POU3F3: variants seen among roughly 807,000 people sequenced by gnomAD.
POU3F3 encodes POU class 3 homeobox 3, also known as POU domain, class 3, transcription factor 3.
In POU3F3, 1 loss-of-function variant was observed where a neutral mutation model predicts 8.6. That is an observed-to-expected ratio of 0.12 (90% CI 0.04 to 0.55). POU3F3 has a LOEUF of 0.55. POU3F3 is among the 20% of genes least tolerant of loss of function. The pLI, the probability that POU3F3 is intolerant of heterozygous loss-of-function variation, is 0.91. For synonymous variants in POU3F3, 418 were observed against 327.4 expected, an observed-to-expected ratio of 1.28 and a Z score of -2.99; for missense variants, 577 against 690.7, an observed-to-expected ratio of 0.84 and a Z score of 1.84.
the POU3F3 span, among the ~76,000 whole-genome samples, chr2:104,881,554 T>C: frequency 6.6e-6 from 1 of 152,152 alleles, no homozygotes; most frequent in South Asian, 2.1e-4. Context: ...TCTCTCTGTC[T>C]CCGTCTCTCT....
the POU3F3 span, among the ~76,000 whole-genome samples, chr2:104,899,021 T>A: frequency 6.6e-6 from 1 of 152,220 alleles, no homozygotes; most frequent in Non-Finnish European, 1.5e-5. Flanking sequence ...CAGTGACTCC[T>A]GAAAATTCTC....
the POU3F3 span, among the ~76,000 whole-genome samples, chr2:104,885,113 A>G: frequency 5.3e-5 from 8 of 152,340 alleles, 1 homozygote; most frequent in South Asian, 1.7e-3. Flanking sequence ...AACATTAAGC[A>G]TAAGGATTTT....
At position 104,856,016 on chromosome 2, in the gene POU3F3, C is replaced by A. The variant is rs941922653; in HGVS notation, c.506C>A (p.Pro169Gln). The A allele has an allele frequency of 1.7e-5, 17 of 985,618 alleles. No individual in the cohort carries two copies. Among genetic ancestry groups the A allele is most frequent in the Non-Finnish European group, 2.0e-5 (17 of 833,634 alleles). The allele number at this position is 985,618 out of a possible 1,614,324, so 61.1% of individuals were successfully genotyped here. The change falls in exon 1 of 1, where the codon CCG becomes CAG. Residue 169 changes from proline (P) to glutamine (Q), a missense_variant. Coordinates refer to ENST00000361360, the MANE Select transcript of POU3F3 (RefSeq NM_006236.3). Reference protein sequence around the residue: ...HAGTALHHRGPPHLGPPPPPP... With the variant: ...HAGTALHHRGQPHLGPPPPPP... ...GGCACAGCGCTGCACCACCGCGGGC[C>A]GCCGCACCTCGGACCCCCGCCGCCG...
Position 104,856,641 on chromosome 2 carries a change from G to A in POU3F3, c.1131G>A (p.Lys377=), listed in dbSNP as rs1317923072. 1 of 1,614,206 alleles carries A rather than the reference G, an allele frequency of 6.2e-7. No homozygotes were observed. Among genetic ancestry groups the A allele is most frequent in the East Asian group, 2.2e-5 (1 of 44,872 alleles). The change falls in exon 1 of 1, where the codon AAG becomes AAA. Residue 377 remains lysine (K), a synonymous_variant. Coordinates refer to ENST00000361360, the MANE Select transcript of POU3F3 (RefSeq NM_006236.3). ...QLSFKNMCKL[K]PLLNKWLEEA... ...GCTTCAAGAACATGTGCAAGCTCAA[G>A]CCGCTGCTGAACAAGTGGCTGGAGG...
At chr2:104,900,783 A>C in the POU3F3 span, among the ~76,000 whole-genome samples, 1 of 152,182 alleles carries the variant, frequency 6.6e-6, no homozygotes, top group Non-Finnish European at 1.5e-5. Flanking sequence ...GTGGCCAGGA[A>C]GGTAAATGCT....
rs1188828047 is a variant in POU3F3, at chr2:104,856,080, C to T, written c.570C>T (p.Ala190=). 2.0e-6 allele frequency: 2 copies of T among 1,015,722 alleles called. No homozygotes were observed. Among genetic ancestry groups the T allele is most frequent in the African/African-American group, 1.8e-5 (1 of 55,428 alleles). The allele number at this position is 1,015,722 out of a possible 1,614,324, so 62.9% of individuals were successfully genotyped here. ...GCCACCCTGGGGGCTGGGGGGCGGC[C>T]GCCGCTGCCGCAGCCGCAGCCGCCG... ...HQGHPGGWGA[A]AAAAAAAAAA... Residue 190 remains alanine, a synonymous_variant, in exon 1 of 1, where the codon GCC becomes GCT. Coordinates refer to ENST00000361360, the MANE Select transcript of POU3F3 (RefSeq NM_006236.3).
chr2:104,863,436 G>A (rs138302123), downstream of POU3F3, among the ~76,000 whole-genome samples: 1,617 of 152,174 alleles, frequency 0.011, 25 homozygotes, highest in South Asian at 0.037. Flanking sequence ...AGGTAGAAAT[G>A]CCTGTGGGTC....
At chr2:104,892,559 A>G in the POU3F3 span, among the ~76,000 whole-genome samples, 1 of 151,878 alleles carries the variant, frequency 6.6e-6, no homozygotes, top group Non-Finnish European at 1.5e-5. Context: ...TCAACCTCCC[A>G]GACTCAAGCA....
At chr2:104,897,007 G>A in the POU3F3 span, among the ~76,000 whole-genome samples, 1 of 152,112 alleles carries the variant, frequency 6.6e-6, no homozygotes, top group African/African-American at 2.4e-5. Context: ...TTGAGTCCTT[G>A]TCCTAAATAG....
chr2:104,921,364 C>T, the POU3F3 span, among the ~76,000 whole-genome samples: 2 of 152,168 alleles, frequency 1.3e-5, no homozygotes, highest in Non-Finnish European at 2.9e-5. Flanking sequence ...ACAATAATTG[C>T]ACTGGCAGAA....
the POU3F3 span, among the ~76,000 whole-genome samples, chr2:104,881,679 A>G: frequency 6.6e-6 from 1 of 152,238 alleles, no homozygotes; most frequent in Non-Finnish European, 1.5e-5. Flanking sequence ...AAACTAATAC[A>G]TTTACTAAAT....
chr2:104,916,125 T>C, the POU3F3 span, among the ~76,000 whole-genome samples: 5 of 152,188 alleles, frequency 3.3e-5, no homozygotes, highest in African/African-American at 1.2e-4. Context: ...GTTTATAAGA[T>C]ACTCTAACAC....
Position 104,854,672 on chromosome 2 carries a change from C to T in POU3F3, c.-839C>T, listed in dbSNP as rs912868559. Among the ~76,000 whole-genome samples the T allele has an allele frequency of 6.6e-6, 1 of 152,124 alleles. No individual in the cohort carries two copies. Among genetic ancestry groups the T allele is most frequent in the African/African-American group, 2.4e-5 (1 of 41,428 alleles). On this transcript the variant is annotated 5_prime_UTR_variant, in exon 1 of 1. Coordinates refer to ENST00000361360, the MANE Select transcript of POU3F3 (RefSeq NM_006236.3). This position sits in a 1 kb window ranked among gnomAD's most constrained non-coding sequence, Gnocchi z 4.5. Reference sequence around the variant, plus strand: ...CAATAGCAACTTCAGAGAAATGCACCATCGCAAGAAGTTTTCCTAGGACAG... The same window carrying T: ...CAATAGCAACTTCAGAGAAATGCACTATCGCAAGAAGTTTTCCTAGGACAG...
chr2:104,904,337 T>C, the POU3F3 span, among the ~76,000 whole-genome samples: 319 of 152,194 alleles, frequency 2.1e-3, 1 homozygote, highest in Non-Finnish European at 3.7e-3. Context: ...GTATAGTCTA[T>C]CATATGTCAC....
At chr2:104,920,938 C>T in the POU3F3 span, among the ~76,000 whole-genome samples, 1 of 152,074 alleles carries the variant, frequency 6.6e-6, no homozygotes, top group Non-Finnish European at 1.5e-5. Context: ...CATTCATGTT[C>T]CAAGCAGCAG....
At chr2:104,865,423 T>A in the POU3F3 span, 1 of 152,230 alleles carries the variant, frequency 6.6e-6, no homozygotes. Flanking sequence ...TGCCCATGTT[T>A]CTTTATTGTA....
At chr2:104,906,612 C>A in the POU3F3 span, among the ~76,000 whole-genome samples, 7 of 152,208 alleles carry the variant, frequency 4.6e-5, no homozygotes, top group Non-Finnish European at 1.0e-4. Context: ...CTGACTTCTT[C>A]AACCTGTCGA....
At chr2:104,912,351 C>G in the POU3F3 span, among the ~76,000 whole-genome samples, 1 of 152,224 alleles carries the variant, frequency 6.6e-6, no homozygotes, top group Non-Finnish European at 1.5e-5. Flanking sequence ...TCCGCCCTCA[C>G]GAAAGCCAGT....
the POU3F3 span, among the ~76,000 whole-genome samples, chr2:104,901,448 G>T: frequency 2.6e-5 from 4 of 152,188 alleles, no homozygotes; most frequent in Non-Finnish European, 5.9e-5. Flanking sequence ...CCGGGTGAGT[G>T]CTACATCTCT....
Sources: allele counts gnomAD v4.1 joint callset (sites outside exome capture counted in the v4.1 genomes callset), GRCh38; gene constraint gnomAD v4.1.1; non-coding constraint Gnocchi (gnomAD v3.1); transcripts MANE v1.5; gene names NCBI Gene and HGNC (gene_info 2026-07-23, HGNC 2026-07-21).